The following DCDC2 variants were observed in gnomAD, a reference collection of about 807,000 sequenced individuals.
DCDC2 encodes doublecortin domain-containing protein 2.
A neutral mutation model predicts 50.2 loss-of-function variants in DCDC2; 40 were observed. The ratio of observed to expected loss-of-function variants is 0.80; its 90% confidence interval spans 0.62 to 1.04. The LOEUF (loss-of-function observed/expected upper bound fraction) is 1.04. Ranked by LOEUF, DCDC2 falls within the 50% of genes least tolerant of loss-of-function variation. The probability of loss-of-function intolerance (pLI) is 0.00; values close to 1 mark genes in which losing one functional copy is unlikely to be tolerated. For missense variants in DCDC2, 570 were observed against 581.9 expected (o/e 0.98, Z 0.21); for synonymous variants, 234 against 210.6 (o/e 1.11, Z -0.96).
intron 2 of DCDC2, among the ~76,000 whole-genome samples, chr6:24,327,028 C>T (rs935925790): frequency 6.7e-6 from 1 of 149,454 alleles, no homozygotes. Context: ...AGCTCAGCAC[C>T]TGGCAAATTG....
At chr6:24,324,902 G>A (rs1458160196) in intron 2 of DCDC2, among the ~76,000 whole-genome samples, 1 of 150,090 alleles carries the variant, frequency 6.7e-6, no homozygotes, top group East Asian at 2.0e-4. Context: ...AACAAAGAAA[G>A]ACAGAAAAGA....
chr6:24,378,298 C>T, the DCDC2 span, among the ~76,000 whole-genome samples: 2 of 152,118 alleles, frequency 1.3e-5, no homozygotes, highest in Non-Finnish European at 2.9e-5. Context: ...GTGCCATGCC[C>T]GTGACTCTTC....
intron 7 of DCDC2, among the ~76,000 whole-genome samples, chr6:24,247,530 T>C (rs1040381556): frequency 1.4e-4 from 21 of 151,990 alleles, no homozygotes; most frequent in South Asian, 4.1e-4. Context: ...GAAGATAGGG[T>C]AGGCTAAGAA....
chr6:24,318,954 T>A (rs1340624674), intron 2 of DCDC2, among the ~76,000 whole-genome samples: 1 of 152,126 alleles, frequency 6.6e-6, no homozygotes, highest in Non-Finnish European at 1.5e-5. Context: ...TACCCAGTAG[T>A]GGGACTGCCA....
At chr6:24,227,963 T>C (rs1762265806) in intron 7 of DCDC2, among the ~76,000 whole-genome samples, 1 of 152,228 alleles carries the variant, frequency 6.6e-6, no homozygotes, top group Non-Finnish European at 1.5e-5. Context: ...TCCTACTTGC[T>C]GGTTCTATCT....
chr6:24,265,820 T>G (rs1266062860), intron 7 of DCDC2, among the ~76,000 whole-genome samples: 1 of 149,688 alleles, frequency 6.7e-6, no homozygotes, highest in Non-Finnish European at 1.5e-5. Context: ...AAAAAAAAAA[T>G]TCATATACCA....
intron 2 of DCDC2, among the ~76,000 whole-genome samples, chr6:24,344,510 A>C (rs1228638126): frequency 2.6e-5 from 4 of 152,242 alleles, no homozygotes; most frequent in African/African-American, 9.6e-5. Flanking sequence ...CATCATGCCT[A>C]AATGCCAAAG....
chr6:24,359,108 T>TCA (rs1279388531), upstream of DCDC2, among the ~76,000 whole-genome samples: 2 of 62,514 alleles, frequency 3.2e-5, 1 homozygote, highest in Admixed American at 6.5e-4. Flanking sequence ...ATTTTATATA[T>TCA]TATATATTAT....
At chr6:24,363,532 C>A in the DCDC2 span, among the ~76,000 whole-genome samples, 31 of 152,202 alleles carry the variant, frequency 2.0e-4, no homozygotes, top group African/African-American at 7.0e-4. Context: ...ATAATACCAA[C>A]AAGGCATTTG....
At chr6:24,372,742 A>C in the DCDC2 span, among the ~76,000 whole-genome samples, 1 of 152,096 alleles carries the variant, frequency 6.6e-6, no homozygotes, top group Non-Finnish European at 1.5e-5. Flanking sequence ...CAGGAAGGGG[A>C]ACATCACACA....
intron 2 of DCDC2, among the ~76,000 whole-genome samples, chr6:24,318,377 T>C (rs932019305): frequency 1.3e-5 from 2 of 151,804 alleles, no homozygotes. Flanking sequence ...ACATACTGGG[T>C]TTTTTGTTGT....
chr6:24,194,311 T>TA (rs1331206700), intron 8 of DCDC2, among the ~76,000 whole-genome samples: 1 of 152,126 alleles, frequency 6.6e-6, no homozygotes. Flanking sequence ...ACCTCCAGTT[T>TA]AAAAAAATTA....
intron 7 of DCDC2, among the ~76,000 whole-genome samples, chr6:24,231,697 G>A (rs1162179801): frequency 2.6e-5 from 4 of 151,734 alleles, no homozygotes; most frequent in African/African-American, 9.7e-5. Flanking sequence ...AATAGCAGGA[G>A]ACATTAAAAA....
intron 7 of DCDC2, among the ~76,000 whole-genome samples, chr6:24,269,955 A>C (rs965933175): frequency 1.6e-4 from 24 of 152,114 alleles, no homozygotes; most frequent in African/African-American, 5.8e-4. Context: ...AAGGGATGAA[A>C]ATCAATCATC....
At chr6:24,275,896 G>T (rs1391798017) in intron 7 of DCDC2, among the ~76,000 whole-genome samples, 1 of 109,912 alleles carries the variant, frequency 9.1e-6, no homozygotes. Flanking sequence ...TTTAGGCAGG[G>T]TCTAATTCTG....
At chr6:24,359,431 A>T (rs1171832374), upstream of DCDC2, among the ~76,000 whole-genome samples, 4 of 26,098 alleles carry the variant, frequency 1.5e-4, 1 homozygote, top group African/African-American at 7.2e-4. Flanking sequence ...ATATATATTT[A>T]TATATACTAT....
chr6:24,236,221 T>C (rs1762437736), intron 7 of DCDC2, among the ~76,000 whole-genome samples: 2 of 152,238 alleles, frequency 1.3e-5, no homozygotes, highest in South Asian at 4.1e-4. Flanking sequence ...CCAAACAGCA[T>C]GGCACTGGTA....
intron 7 of DCDC2, among the ~76,000 whole-genome samples, chr6:24,206,221 T>C (rs1246060383): frequency 6.6e-6 from 1 of 152,146 alleles, no homozygotes; most frequent in African/African-American, 2.4e-5. Context: ...CAGCCTAAGA[T>C]ATGAATGAAA....
chr6:24,356,575 G>A (rs1422237325), intron 1 of DCDC2, among the ~76,000 whole-genome samples: 2 of 152,122 alleles, frequency 1.3e-5, no homozygotes, highest in Non-Finnish European at 2.9e-5. Flanking sequence ...AAAATGGAAT[G>A]TAAAATTCTA....
Sources: allele counts gnomAD v4.1 joint callset (sites outside exome capture counted in the v4.1 genomes callset), GRCh38; gene constraint gnomAD v4.1.1; transcripts MANE v1.5; gene names NCBI Gene and HGNC (gene_info 2026-07-23, HGNC 2026-07-21).